Variants in DMC1 observed in about 807,000 individuals in gnomAD.
DMC1 encodes the protein DNA meiotic recombinase 1.
Under a neutral mutation model 50.1 loss-of-function variants are expected in DMC1, and 27 were observed. The ratio of observed to expected loss-of-function variants is 0.54; its 90% CI spans 0.40 to 0.74. The LOEUF (loss-of-function observed/expected upper bound fraction) is 0.74, where lower values mean the gene tolerates loss of function less well. Among genes scored for constraint, DMC1 ranks in the 30% least tolerant of loss-of-function variants. The pLI, the probability that DMC1 is intolerant of heterozygous loss-of-function variation, is 0.00. For missense variants in DMC1, 295 were observed against 420.2 expected (o/e 0.70, Z 2.60); for synonymous variants, 148 against 136.1 (o/e 1.09, Z -0.61).
intron 12 of DMC1, among the ~76,000 whole-genome samples, chr22:38,522,738 TAA>T (rs2090042929): frequency 6.6e-6 from 1 of 152,236 alleles, no homozygotes; most frequent in African/African-American, 2.4e-5. Flanking sequence ...CTTGCTCCAT[TAA>T]AGTGTTCATG....
At chr22:38,538,258 A>G (rs766701089) in intron 11 of DMC1, 37 bp downstream of exon 11, 22 of 1,541,604 alleles carry the variant, frequency 1.4e-5, no homozygotes, top group Non-Finnish European at 1.9e-5. Context: ...TACTTGACAA[A>G]CATAGTCACA....
At chr22:38,561,095 C>T (rs774615334) in intron 5 of DMC1, among the ~76,000 whole-genome samples, 2 of 152,014 alleles carry the variant, frequency 1.3e-5, no homozygotes, top group Non-Finnish European at 2.9e-5. Flanking sequence ...CCTCAACCTC[C>T]TGGGCTCTAG....
the DMC1 span, among the ~76,000 whole-genome samples, chr22:38,513,827 A>T: frequency 6.6e-6 from 1 of 152,214 alleles, no homozygotes; most frequent in African/African-American, 2.4e-5. Context: ...CGGCCTCTCA[A>T]AGTGCTGGGA....
rs771863057 is a variant in DMC1, at chr22:38,566,574, A to G, written c.243+16T>C. The G allele has an allele frequency of 2.6e-5, 42 of 1,614,042 alleles. No individual in the cohort carries two copies. The South Asian group carries it at 4.1e-4, about 16-fold the overall frequency. ...GCCCTGCCAAGCTAAAACAGCAAAG[A>G]ATGGATTTTGCTTACAATTAGTTTG... is the stretch of plus-strand genomic sequence containing the variant. On this transcript the variant is annotated intron_variant, in intron 4 of 13. Coordinates refer to ENST00000216024, the MANE Select transcript of DMC1 (RefSeq NM_007068.4).
chr22:38,555,343 A>T lies in DMC1; in HGVS notation c.379+14T>A, dbSNP rs2090458631. 6.3e-7 allele frequency: 1 copy of T among 1,578,814 alleles called. No individual in the cohort carries two copies. Among genetic ancestry groups the T allele is most frequent in the Admixed American group, 1.7e-5 (1 of 59,864 alleles). ...ATAATATTTCATTTAACAAAATATT[A>T]AGGTTCTACCTACCTCCAAAAGCTT... On this transcript the variant is annotated intron_variant, in intron 6 of 13. Transcript: ENST00000216024.
the DMC1 span, among the ~76,000 whole-genome samples, chr22:38,512,596 C>A: frequency 1.3e-5 from 2 of 152,106 alleles, no homozygotes; most frequent in Non-Finnish European, 2.9e-5. Context: ...TGAAGCCTGG[C>A]GTAGGAAAGC....
intron 6 of DMC1, among the ~76,000 whole-genome samples, chr22:38,554,616 T>C (rs1206309640): frequency 1.3e-5 from 2 of 151,728 alleles, no homozygotes; most frequent in African/African-American, 2.4e-5. Context: ...AGTGGGAGGA[T>C]TGCTTGAGTC....
In DMC1 at chr22:38,520,240, C is replaced by A. The variant is rs2090009774; in HGVS notation, c.954-151G>T. The A allele has an allele frequency of 1.3e-5, 9 of 672,900 alleles. No individual in the cohort carries two copies. The South Asian group carries it at 1.4e-4, about 11-fold the overall frequency. The allele number at this position is 672,900 out of a possible 1,614,324, so 41.7% of individuals were successfully genotyped here. ...AAATGTGGCCTACAGAACTTACCCA[C>A]AAGTATTATTAACCCTCACAAACAT... On this transcript the variant is annotated intron_variant, in intron 13 of 13. Coordinates refer to ENST00000216024, the MANE Select transcript of DMC1 (RefSeq NM_007068.4).
intron 5 of DMC1, among the ~76,000 whole-genome samples, chr22:38,560,240 C>CTGAAAGAG (rs2090512408): frequency 6.6e-6 from 1 of 151,914 alleles, no homozygotes; most frequent in Non-Finnish European, 1.5e-5. Context: ...GACAGCAAGC[C>CTGAAAGAG]ATGTAGATCT....
chr22:38,557,965 T>C (rs1602764499), intron 5 of DMC1, among the ~76,000 whole-genome samples: 1 of 130,200 alleles, frequency 7.7e-6, no homozygotes, highest in East Asian at 2.2e-4. Context: ...TCTTTTTTTT[T>C]TTTTTTTTTT....
chr22:38,556,210 C>A (rs1196255590), intron 5 of DMC1, among the ~76,000 whole-genome samples: 2 of 152,030 alleles, frequency 1.3e-5, no homozygotes, highest in Non-Finnish European at 2.9e-5. Context: ...AATGTTTTTT[C>A]TTTTTCTTTT....
At chr22:38,530,670 T>A (rs1169612415) in intron 12 of DMC1, among the ~76,000 whole-genome samples, 2 of 152,192 alleles carry the variant, frequency 1.3e-5, no homozygotes, top group Admixed American at 1.3e-4. Context: ...GCAGTTCAAA[T>A]AGTTTAAATC....
chr22:38,563,881 T>C (rs2090554682), intron 4 of DMC1, among the ~76,000 whole-genome samples: 1 of 152,062 alleles, frequency 6.6e-6, no homozygotes, highest in African/African-American at 2.4e-5. Context: ...TTTGTATTTT[T>C]AGTAGAGACA....
chr22:38,552,719 A>G lies in DMC1; in HGVS notation c.380-12T>C, dbSNP rs1422196995. On this transcript the variant is annotated splice_polypyrimidine_tract_variant and intron_variant, in intron 6 of 13. Transcript: ENST00000216024. Reference sequence around the variant, plus strand: ...TCCAGTACGAAATTCTGTGAAATACAGAAAAAAATGATTTTAAAAATGCAT... The same window carrying G: ...TCCAGTACGAAATTCTGTGAAATACGGAAAAAAATGATTTTAAAAATGCAT... 2 of 1,565,310 alleles carry G rather than the reference A, an allele frequency of 1.3e-6. No homozygotes were observed. The highest frequency in any genetic ancestry group is 1.8e-6 in the Non-Finnish European group (2 of 1,136,092).
chr22:38,551,945 C>G (rs1324873169), intron 7 of DMC1, among the ~76,000 whole-genome samples: 1 of 149,476 alleles, frequency 6.7e-6, no homozygotes, highest in Non-Finnish European at 1.5e-5. Flanking sequence ...ACTGCAAGCT[C>G]CGCCTCCCGG....
chr22:38,516,833 A>C (rs997238700), downstream of DMC1, among the ~76,000 whole-genome samples: 25 of 151,434 alleles, frequency 1.7e-4, no homozygotes, highest in African/African-American at 5.8e-4. Context: ...CTTTTTCTTT[A>C]TTTTTCTTTT....
chr22:38,547,113 G>A lies in DMC1; in HGVS notation c.494+2812C>T, dbSNP rs1292606080. Reference sequence around the variant, plus strand: ...GACAGAGTCTTGCTATGTTGCCCAGGCTAATCATGAACTCCTGGCCTCAAA... The same window carrying A: ...GACAGAGTCTTGCTATGTTGCCCAGACTAATCATGAACTCCTGGCCTCAAA... On this transcript the variant is annotated intron_variant, in intron 8 of 13. Transcript: ENST00000216024. Among the ~76,000 whole-genome samples the A allele has an allele frequency of 5.3e-5, 8 of 152,032 alleles. No homozygotes were observed. In the East Asian group the frequency reaches 1.3e-3, roughly 26 times the overall value.
chr22:38,566,868 C>G, intron 3 of DMC1, 132 bp from the exon 4 acceptor site: 1 of 869,366 alleles, frequency 1.2e-6, no homozygotes, highest in Non-Finnish European at 1.9e-6. Context: ...CAGGTGGAAC[C>G]CACCCACCAT....
chr22:38,549,802 G>C, intron 8 of DMC1, 123 bp downstream of exon 8: 2 of 720,134 alleles, frequency 2.8e-6, no homozygotes, highest in South Asian at 3.4e-5. Flanking sequence ...TTTTCCCTTT[G>C]GTTTGTCTCA....
Sources: allele counts gnomAD v4.1 joint callset (sites outside exome capture counted in the v4.1 genomes callset), GRCh38; gene constraint gnomAD v4.1.1; transcripts MANE v1.5; gene names NCBI Gene and HGNC (gene_info 2026-07-23, HGNC 2026-07-21).